Variants in ADCY2 observed in about 807,000 individuals in gnomAD.
ADCY2 encodes adenylate cyclase 2.
A neutral mutation model predicts 125.2 loss-of-function variants in ADCY2; 31 were observed. That is an observed-to-expected ratio of 0.25 (90% CI 0.19 to 0.33). ADCY2 has a LOEUF of 0.33. ADCY2 is among the 10% of genes least tolerant of loss of function. ADCY2 has a pLI of 1.00. For missense variants in ADCY2, 904 were observed against 1,418.2 expected (o/e 0.64, Z 5.82); for synonymous variants, 512 against 548.4 (o/e 0.93, Z 0.93).
intron 3 of ADCY2, among the ~76,000 whole-genome samples, chr5:7,624,305 G>T (rs1310225284): frequency 6.6e-6 from 1 of 152,198 alleles, no homozygotes; most frequent in African/African-American, 2.4e-5. Flanking sequence ...AGAACAAAAT[G>T]TCACCTTATT....
At chr5:7,586,831 T>A (rs1372900960) in intron 3 of ADCY2, among the ~76,000 whole-genome samples, 1 of 152,172 alleles carries the variant, frequency 6.6e-6, no homozygotes, top group Non-Finnish European at 1.5e-5. Flanking sequence ...CCTACATGGA[T>A]CCTATTCTAT....
chr5:7,637,897 A>G (rs1012855845), intron 4 of ADCY2, among the ~76,000 whole-genome samples: 1 of 152,262 alleles, frequency 6.6e-6, no homozygotes, highest in African/African-American at 2.4e-5. Context: ...AACTACAAGC[A>G]CAATCCTCAT....
chr5:7,510,217 T>C (rs1744003635), intron 2 of ADCY2, among the ~76,000 whole-genome samples: 1 of 152,234 alleles, frequency 6.6e-6, no homozygotes, highest in Non-Finnish European at 1.5e-5. Flanking sequence ...TAGAAACTAG[T>C]AACCAAGTCA....
intron 1 of ADCY2, among the ~76,000 whole-genome samples, chr5:7,404,287 C>G (rs954228679): frequency 2.0e-5 from 3 of 152,116 alleles, no homozygotes; most frequent in Non-Finnish European, 4.4e-5. Flanking sequence ...TTTTCAAGAA[C>G]CATCCCTCTT....
chr5:7,806,853 T>A (rs1333978368), intron 22 of ADCY2, among the ~76,000 whole-genome samples: 1 of 152,200 alleles, frequency 6.6e-6, no homozygotes, highest in East Asian at 1.9e-4. Context: ...CATCTTGAAT[T>A]TTTCTGCATT....
chr5:7,826,089 C>G (rs1371911401), intron 24 of ADCY2, among the ~76,000 whole-genome samples: 3 of 152,234 alleles, frequency 2.0e-5, no homozygotes, highest in South Asian at 4.1e-4. Flanking sequence ...CTGGGAGCAT[C>G]ATGCTCATGC....
chr5:7,606,967 C>T (rs1053235406), intron 3 of ADCY2, among the ~76,000 whole-genome samples: 18 of 152,132 alleles, frequency 1.2e-4, no homozygotes, highest in Admixed American at 5.2e-4. Context: ...CCTGTTGCTG[C>T]GGGTCTTCTG....
At chr5:7,585,575 T>C (rs1736603423) in intron 3 of ADCY2, among the ~76,000 whole-genome samples, 1 of 152,222 alleles carries the variant, frequency 6.6e-6, no homozygotes, top group African/African-American at 2.4e-5. Context: ...TTACTGTGTT[T>C]CATAGCCAAT....
intron 2 of ADCY2, among the ~76,000 whole-genome samples, chr5:7,440,710 G>C (rs920567029): frequency 5.3e-5 from 8 of 149,930 alleles, no homozygotes; most frequent in African/African-American, 2.0e-4. Context: ...CTTAGAGATA[G>C]GAAAAACCCT....
chr5:7,554,073 A>G, intron 3 of ADCY2, among the ~76,000 whole-genome samples: 1 of 152,238 alleles, frequency 6.6e-6, no homozygotes, highest in East Asian at 1.9e-4. Context: ...CTTTAAAAAA[A>G]GGGCATTGGA....
chr5:7,591,772 A>C (rs1259942037), intron 3 of ADCY2, among the ~76,000 whole-genome samples: 1 of 152,172 alleles, frequency 6.6e-6, no homozygotes, highest in Non-Finnish European at 1.5e-5. Flanking sequence ...CTAGGTTAGA[A>C]GTCATTGGAT....
At chr5:7,460,702 T>G (rs1016134396) in intron 2 of ADCY2, among the ~76,000 whole-genome samples, 1 of 152,182 alleles carries the variant, frequency 6.6e-6, no homozygotes, top group Non-Finnish European at 1.5e-5. Context: ...AATTTTTTTT[T>G]TGTGGACATG....
chr5:7,708,978 A>G (rs887704957), intron 9 of ADCY2, among the ~76,000 whole-genome samples: 1 of 152,212 alleles, frequency 6.6e-6, no homozygotes, highest in Non-Finnish European at 1.5e-5. Context: ...CCATTAACAT[A>G]TCATTATTTT....
rs552896237 is a variant in ADCY2 at position 7,466,562 on chromosome 5, A to G, written c.408+51792A>G. ...GGCCAGCTCCAGAGCCTCTGTCTCT[A>G]ATCACTGTGCTATCCTACCTCGCAA... On this transcript the variant is annotated intron_variant, in intron 2 of 24. Transcript: ENST00000338316. Among the ~76,000 whole-genome samples the G allele has an allele frequency of 3.9e-5, 6 of 152,314 alleles. No individual in the cohort carries two copies. In the East Asian group the frequency reaches 1.2e-3, roughly 29 times the overall value.
intron 2 of ADCY2, among the ~76,000 whole-genome samples, chr5:7,432,857 G>T (rs1227785828): frequency 6.6e-6 from 1 of 151,164 alleles, no homozygotes. Context: ...AGTTTCACAG[G>T]TGTTTATGTA....
At chr5:7,800,512 AT>A (rs1163673949) in intron 20 of ADCY2, 1 of 152,218 alleles carries the variant, frequency 6.6e-6, no homozygotes, top group Non-Finnish European at 1.5e-5. Flanking sequence ...AATAAAAAAA[AT>A]TAGCTGGGCA....
At chr5:7,416,659 A>G (rs959691141) in intron 2 of ADCY2, among the ~76,000 whole-genome samples, 6 of 152,228 alleles carry the variant, frequency 3.9e-5, no homozygotes, top group Non-Finnish European at 4.4e-5. Flanking sequence ...CAGGATCAAT[A>G]TAAAAACAAT....
chr5:7,655,396 C>G (rs1287455581), intron 4 of ADCY2, among the ~76,000 whole-genome samples: 1 of 152,138 alleles, frequency 6.6e-6, no homozygotes, highest in East Asian at 1.9e-4. Flanking sequence ...GCTGGAGGCC[C>G]AGGAAAGCCA....
chr5:7,484,038 C>T (rs1466722780), intron 2 of ADCY2, among the ~76,000 whole-genome samples: 1 of 152,142 alleles, frequency 6.6e-6, no homozygotes, highest in Non-Finnish European at 1.5e-5. Flanking sequence ...TGAGGAAACC[C>T]AGGTTCCAAG....
Sources: allele counts gnomAD v4.1 joint callset (sites outside exome capture counted in the v4.1 genomes callset), GRCh38; gene constraint gnomAD v4.1.1; transcripts MANE v1.5; gene names NCBI Gene and HGNC (gene_info 2026-07-23, HGNC 2026-07-21).